The following HOMER1 variants were observed in gnomAD, a reference collection of about 807,000 sequenced individuals.
The protein encoded by HOMER1 is homer protein homolog 1.
HOMER1 carries 3 observed loss-of-function variants against 48.9 expected under a neutral mutation model. The ratio of observed to expected loss-of-function variants is 0.06; its 90% CI spans 0.03 to 0.16. The LOEUF is 0.16. HOMER1 is among the 10% of genes least tolerant of loss of function. The pLI is 1.00. For missense variants in HOMER1, 247 were observed against 411.4 expected (o/e 0.60, Z 3.46); for synonymous variants, 134 against 146.4 (o/e 0.92, Z 0.61).
intron 1 of HOMER1, among the ~76,000 whole-genome samples, chr5:79,511,105 G>A (rs896029188): frequency 6.6e-6 from 1 of 152,164 alleles, no homozygotes; most frequent in Admixed American, 6.5e-5. Flanking sequence ...TTTCTTCCAT[G>A]ATGCTACTAC....
At chr5:79,381,001 C>T (rs1748955603) in intron 8 of HOMER1, among the ~76,000 whole-genome samples, 1 of 152,186 alleles carries the variant, frequency 6.6e-6, no homozygotes, top group South Asian at 2.1e-4. Flanking sequence ...CCCACCCTTG[C>T]ACTGCTGCCA....
intron 1 of HOMER1, among the ~76,000 whole-genome samples, chr5:79,469,247 T>C (rs1751556768): frequency 6.6e-6 from 1 of 152,220 alleles, no homozygotes; most frequent in Non-Finnish European, 1.5e-5. Flanking sequence ...CTTAAAATGT[T>C]TTCCTGGCTC....
At chr5:79,386,962 CCCTTCCCTTCTT>C (rs1432649692) in intron 8 of HOMER1, among the ~76,000 whole-genome samples, 1 of 132,570 alleles carries the variant, frequency 7.5e-6, no homozygotes, top group Non-Finnish European at 1.6e-5. Flanking sequence ...TTTCTTCCTT[CCCTTCCCTTCTT>C]CCTTCCCTCC....
intron 5 of HOMER1, among the ~76,000 whole-genome samples, chr5:79,414,960 G>A (rs1580434558): frequency 6.6e-6 from 1 of 152,100 alleles, no homozygotes; most frequent in Non-Finnish European, 1.5e-5. Context: ...TCATATTCTA[G>A]GAAACACAGT....
chr5:79,393,253 A>G (rs1369604052), intron 8 of HOMER1, among the ~76,000 whole-genome samples: 1 of 152,222 alleles, frequency 6.6e-6, no homozygotes, highest in Non-Finnish European at 1.5e-5. Context: ...GATAAGTACT[A>G]AAAGGAAAAT....
intron 1 of HOMER1, among the ~76,000 whole-genome samples, chr5:79,469,088 G>C (rs568777927): frequency 3.9e-5 from 6 of 152,036 alleles, no homozygotes; most frequent in Admixed American, 6.6e-5. Flanking sequence ...GGTAAATTAT[G>C]GTCCTTTGGT....
intron 1 of HOMER1, among the ~76,000 whole-genome samples, chr5:79,493,759 T>C (rs1752351068): frequency 6.6e-6 from 1 of 152,170 alleles, no homozygotes; most frequent in African/African-American, 2.4e-5. Flanking sequence ...TGCCACAGAC[T>C]CCTTTGCCAG....
chr5:79,494,111 A>G (rs897792272), intron 1 of HOMER1, among the ~76,000 whole-genome samples: 2 of 152,132 alleles, frequency 1.3e-5, no homozygotes, highest in Non-Finnish European at 2.9e-5. Context: ...TTCTCACCTG[A>G]CAGCTTTCTC....
chr5:79,496,925 T>C (rs1165292489), intron 1 of HOMER1, among the ~76,000 whole-genome samples: 1 of 150,714 alleles, frequency 6.6e-6, no homozygotes, highest in Non-Finnish European at 1.5e-5. Context: ...AATTAGCCAG[T>C]TGTGGTGGCA....
chr5:79,499,287 A>G (rs1297026242), intron 1 of HOMER1, among the ~76,000 whole-genome samples: 1 of 152,186 alleles, frequency 6.6e-6, no homozygotes, highest in Non-Finnish European at 1.5e-5. Flanking sequence ...CAATAACTAC[A>G]AAGGTAGTTA....
chr5:79,416,362 T>C (rs1364369600), intron 5 of HOMER1, among the ~76,000 whole-genome samples: 1 of 152,214 alleles, frequency 6.6e-6, no homozygotes, highest in Non-Finnish European at 1.5e-5. Context: ...GGTTAATTTC[T>C]GATTGTGAGA....
intron 5 of HOMER1, among the ~76,000 whole-genome samples, chr5:79,406,635 T>A (rs1482603834): frequency 6.6e-6 from 1 of 152,178 alleles, no homozygotes; most frequent in Non-Finnish European, 1.5e-5. Context: ...CTTAAACCAA[T>A]GGGAGAAGGA....
At chr5:79,480,956 G>C (rs1482247644) in intron 1 of HOMER1, among the ~76,000 whole-genome samples, 1 of 152,124 alleles carries the variant, frequency 6.6e-6, no homozygotes, top group African/African-American at 2.4e-5. Context: ...CAAAGAAACA[G>C]GAGTACAAAA....
chr5:79,378,319 C>T (rs1748833222), intron 8 of HOMER1, among the ~76,000 whole-genome samples: 1 of 151,178 alleles, frequency 6.6e-6, no homozygotes, highest in African/African-American at 2.4e-5. Context: ...CTCAAGGATG[C>T]TACAGATGAG....
At chr5:79,481,205 TC>T (rs1751935526) in intron 1 of HOMER1, among the ~76,000 whole-genome samples, 3 of 152,194 alleles carry the variant, frequency 2.0e-5, no homozygotes, top group Admixed American at 2.0e-4. Context: ...ACGACACGTG[TC>T]ACAATTACAA....
In HOMER1 at chr5:79,392,788, T is replaced by C. The variant is rs1220774920; in HGVS notation, c.876+4035A>G. Among the ~76,000 whole-genome samples, 3 of 152,190 alleles carry C rather than the reference T, an allele frequency of 2.0e-5. No individual in the cohort carries two copies. The East Asian group carries it at 5.8e-4, about 29-fold the overall frequency. ...ACAGTTCCATTCATGATAAGTGTCC[T>C]ATTCAAGTGTACAATTTTTACCTTT... On this transcript the variant is annotated intron_variant, in intron 8 of 8. Coordinates refer to ENST00000334082, the MANE Select transcript of HOMER1 (RefSeq NM_004272.5).
intron 1 of HOMER1, among the ~76,000 whole-genome samples, chr5:79,466,127 C>T (rs1751458145): frequency 6.6e-6 from 1 of 152,022 alleles, no homozygotes; most frequent in African/African-American, 2.4e-5. Context: ...TGCCAAGTGA[C>T]TTTGTCCTTA....
At chr5:79,502,931 C>T (rs563723921) in intron 1 of HOMER1, among the ~76,000 whole-genome samples, 1 of 152,222 alleles carries the variant, frequency 6.6e-6, no homozygotes, top group South Asian at 2.1e-4. Context: ...GCTGTGACTA[C>T]AGGCGCCCGC....
chr5:79,438,218 T>G (rs1750647326), intron 5 of HOMER1, among the ~76,000 whole-genome samples: 1 of 152,170 alleles, frequency 6.6e-6, no homozygotes, highest in Non-Finnish European at 1.5e-5. Flanking sequence ...TTTCCTAACT[T>G]TAACTAAAAC....
Sources: allele counts gnomAD v4.1 joint callset (sites outside exome capture counted in the v4.1 genomes callset), GRCh38; gene constraint gnomAD v4.1.1; transcripts MANE v1.5; gene names NCBI Gene and HGNC (gene_info 2026-07-23, HGNC 2026-07-21).